INSR: variants seen among roughly 807,000 people sequenced by gnomAD.
The protein encoded by INSR is insulin receptor, also known as IR.
In INSR, 67 loss-of-function variants were observed where a neutral mutation model predicts 142.6. The observed-to-expected ratio is 0.47, with a 90% CI of 0.39 to 0.58. The LOEUF (loss-of-function observed/expected upper bound fraction) is 0.58, where lower values mean the gene tolerates loss of function less well. Among genes scored for constraint, INSR ranks in the 20% least tolerant of loss-of-function variants. INSR has a pLI of 0.00. For missense variants in INSR, 1,248 were observed against 1,833.2 expected, an observed-to-expected ratio of 0.68 and a Z score of 5.83; for synonymous variants, 756 against 743.1, an observed-to-expected ratio of 1.02 and a Z score of -0.28.
intron 2 of INSR, among the ~76,000 whole-genome samples, chr19:7,251,312 C>A (rs115126239): frequency 0.018 from 2,689 of 152,124 alleles, 88 homozygotes; most frequent in African/African-American, 0.06. Flanking sequence ...GGCTGGAGTG[C>A]AATATGCAAT....
At chr19:7,256,557 C>A (rs1424085555) in intron 2 of INSR, among the ~76,000 whole-genome samples, 2 of 151,940 alleles carry the variant, frequency 1.3e-5, no homozygotes, top group African/African-American at 4.8e-5. Context: ...TTGGGCCCAG[C>A]AGTTCAAGAC....
At chr19:7,255,505 CT>C (rs55764352) in intron 2 of INSR, among the ~76,000 whole-genome samples, 203 of 135,060 alleles carry the variant, frequency 1.5e-3, no homozygotes, top group East Asian at 3.8e-3. Context: ...CCTGTCTTTT[CT>C]TTTTTTTTTT....
chr19:7,238,219 A>T (rs1976222132), intron 2 of INSR, among the ~76,000 whole-genome samples: 1 of 152,172 alleles, frequency 6.6e-6, no homozygotes, highest in Admixed American at 6.5e-5. Context: ...CAAATGAAAT[A>T]ATAGAGGGAA....
chr19:7,189,817 C>T (rs1974527725), intron 2 of INSR, among the ~76,000 whole-genome samples: 1 of 151,952 alleles, frequency 6.6e-6, no homozygotes, highest in Admixed American at 6.6e-5. Context: ...GCACCCACAA[C>T]CATGCCTGGA....
rs1221882369 is a variant in INSR, at chr19:7,225,948, A to C, written c.653-41311T>G. On this transcript the variant is annotated intron_variant, in intron 2 of 21. Coordinates refer to ENST00000302850, the MANE Select transcript of INSR (RefSeq NM_000208.4). This position sits in a 1 kb window ranked among gnomAD's most constrained non-coding sequence, Gnocchi z 4.7. ...CCACCCCAGAGAACAATCCAGCCCC[A>C]GTATCCGCAGGCCCCAGGTGGAGAA... Among the ~76,000 whole-genome samples the C allele has an allele frequency of 6.6e-6, 1 of 152,178 alleles. No homozygotes were observed. Among genetic ancestry groups the C allele is most frequent in the Non-Finnish European group, 1.5e-5 (1 of 68,028 alleles).
chr19:7,151,093 C>T (rs1973327892), intron 10 of INSR, among the ~76,000 whole-genome samples: 1 of 146,272 alleles, frequency 6.8e-6, no homozygotes. Flanking sequence ...TTCCTTCCTT[C>T]CCTCCTCTCT....
intron 2 of INSR, among the ~76,000 whole-genome samples, chr19:7,194,149 T>C (rs1974673778): frequency 6.6e-6 from 1 of 152,230 alleles, no homozygotes; most frequent in Non-Finnish European, 1.5e-5. Flanking sequence ...CTGGGCATGG[T>C]GGCTCACGCC....
chr19:7,192,134 A>G lies in INSR; in HGVS notation c.653-7497T>C, dbSNP rs562349487. ...AAGAAAAGAAAGAGGGAGAAAGAAG[A>G]AAGATAAGAGAGAGAGAAAGAGAAA... On this transcript the variant is annotated intron_variant, in intron 2 of 21. Transcript: ENST00000302850. This position sits in a 1 kb window ranked among gnomAD's most constrained non-coding sequence, Gnocchi z 4.2. Among the ~76,000 whole-genome samples, 14 of 149,864 alleles carry G rather than the reference A, an allele frequency of 9.3e-5. No homozygotes were observed. Among genetic ancestry groups the G allele is most frequent in the African/African-American group, 3.4e-4 (14 of 40,586 alleles).
intron 2 of INSR, among the ~76,000 whole-genome samples, chr19:7,266,772 A>G (rs561722732): frequency 6.6e-6 from 1 of 152,300 alleles, no homozygotes; most frequent in South Asian, 2.1e-4. Flanking sequence ...TAGAAGGAAC[A>G]ACCCCCAATA....
Position 7,174,727 on chromosome 19 carries a change from G to A in INSR, c.979C>T (p.Leu327=). The A allele has an allele frequency of 6.2e-7, 1 of 1,611,550 alleles. No individual in the cohort carries two copies. The highest frequency in any genetic ancestry group is 8.5e-7 in the Non-Finnish European group (1 of 1,179,030). The part of the protein sequence containing the change: ...SGYTMNSSNL[L]CTPCLGPCPK... ...CAGGGACCCAGGCATGGGGTGCACA[G>A]CAAGCTAAGGACGGAGCAGAGAGAG... Residue 327 remains leucine (L), a synonymous_variant, in exon 4 of 22, where the codon CTG becomes TTG. Coordinates refer to ENST00000302850, the MANE Select transcript of INSR (RefSeq NM_000208.4).
intron 1 of INSR, among the ~76,000 whole-genome samples, chr19:7,288,778 T>G (rs1212928238): frequency 1.4e-5 from 2 of 145,900 alleles, no homozygotes; most frequent in Non-Finnish European, 3.0e-5. Context: ...GCCTGGCCAA[T>G]GGGGTGAAAC....
At chr19:7,152,571 G>A (rs1274918639) in intron 10 of INSR, 155 bp downstream of exon 10, 8 of 746,252 alleles carry the variant, frequency 1.1e-5, no homozygotes. Context: ...GAAACTGCAA[G>A]ATCTCTTCCT....
intron 1 of INSR, among the ~76,000 whole-genome samples, chr19:7,286,942 C>G (rs1968359078): frequency 6.6e-6 from 1 of 151,542 alleles, no homozygotes; most frequent in South Asian, 2.1e-4. Flanking sequence ...GCCCTTCCAG[C>G]CTCAAGAGGT....
Position 7,117,050 on chromosome 19 carries a change from G to T in INSR, c.*6C>A, listed in dbSNP as rs1415045933. On this transcript the variant is annotated 3_prime_UTR_variant, in exon 22 of 22. Coordinates refer to ENST00000302850, the MANE Select transcript of INSR (RefSeq NM_000208.4). ...CCCCTGCCCGCCCCCGCCACGGTAG[G>T]CACTGTTAGGAAGGATTGGACCGAG... The T allele has an allele frequency of 1.9e-6, 3 of 1,610,662 alleles. No individual in the cohort carries two copies. The highest frequency in any genetic ancestry group is 2.5e-6 in the Non-Finnish European group (3 of 1,177,004).
At chr19:7,285,313 A>G (rs1323049422) in intron 1 of INSR, among the ~76,000 whole-genome samples, 13 of 152,142 alleles carry the variant, frequency 8.5e-5, no homozygotes, top group Non-Finnish European at 1.5e-5. Context: ...CTAGCCGGGC[A>G]TGGTGGCGTG....
chr19:7,180,332 C>T (rs1038254845), intron 3 of INSR, among the ~76,000 whole-genome samples: 5 of 151,816 alleles, frequency 3.3e-5, no homozygotes, highest in Admixed American at 6.6e-5. Context: ...GAGTTCAAGA[C>T]GAGCCTGGGG....
rs571999253 is a variant in INSR, at chr19:7,241,818, G to A, written c.652+25527C>T. Among the ~76,000 whole-genome samples the A allele has an allele frequency of 7.9e-5, 12 of 151,434 alleles. No individual in the cohort carries two copies. In the South Asian group the frequency reaches 2.3e-3, roughly 29 times the overall value. The stretch of plus-strand genomic sequence containing the variant: ...CACGGAGAGGGGTTCAGCCCAGAAT[G>A]CTAACACTGTTGAGGCTGAGAAACC... On this transcript the variant is annotated intron_variant, in intron 2 of 21. Transcript: ENST00000302850.
chr19:7,198,336 C>T (rs544660742), intron 2 of INSR, among the ~76,000 whole-genome samples: 1 of 152,146 alleles, frequency 6.6e-6, no homozygotes, highest in East Asian at 1.9e-4. Context: ...CGGTCCCGGC[C>T]AGAGGAAAGG....
At chr19:7,182,727 T>C (rs1236813162) in intron 3 of INSR, among the ~76,000 whole-genome samples, 1 of 152,102 alleles carries the variant, frequency 6.6e-6, no homozygotes. Context: ...GAGGTTGCTA[T>C]ATTTCTCAGG....
Sources: gnomAD v4.1 joint callset for allele counts (sites outside exome capture counted in the v4.1 genomes callset) on GRCh38, gnomAD v4.1.1 for gene constraint, Gnocchi (gnomAD v3.1) non-coding constraint, MANE v1.5 for transcripts, NCBI Gene and HGNC (gene_info 2026-07-23, HGNC 2026-07-21) for gene names.